CCDC192: variants seen among roughly 807,000 people sequenced by gnomAD.
CCDC192 encodes the protein coiled-coil domain-containing protein 192.
At chr5:127,718,652 G>A (rs1477596441) in intron 2 of CCDC192, among the ~76,000 whole-genome samples, 2 of 152,178 alleles carry the variant, frequency 1.3e-5, no homozygotes. Context: ...CAGATTTTAT[G>A]TGCAACTTGC....
intron 6 of CCDC192, chr5:127,935,220 A>G (rs1286003646): frequency 1.3e-5 from 2 of 152,200 alleles, no homozygotes; most frequent in African/African-American, 4.8e-5. Context: ...CCAACATTTT[A>G]TCTTATTTAT....
chr5:127,767,835 A>G (rs1415541550), intron 3 of CCDC192, among the ~76,000 whole-genome samples: 2 of 152,230 alleles, frequency 1.3e-5, no homozygotes, highest in Non-Finnish European at 2.9e-5. Context: ...TTTCCCCAAA[A>G]TAACGTGAGG....
chr5:127,810,491 C>T (rs1038053881), intron 5 of CCDC192, among the ~76,000 whole-genome samples: 4 of 152,132 alleles, frequency 2.6e-5, no homozygotes, highest in African/African-American at 9.7e-5. Context: ...GCTGTATACC[C>T]AGAAAGGAGA....
At chr5:127,915,548 A>AT (rs926850142) in intron 6 of CCDC192, among the ~76,000 whole-genome samples, 51 of 152,178 alleles carry the variant, frequency 3.4e-4, no homozygotes, top group African/African-American at 1.2e-3. Context: ...TGACCAGCTA[A>AT]TTTTTTGTAT....
At chr5:127,819,320 T>C (rs1292684165) in intron 5 of CCDC192, among the ~76,000 whole-genome samples, 2 of 152,152 alleles carry the variant, frequency 1.3e-5, no homozygotes, top group African/African-American at 4.8e-5. Flanking sequence ...CACCACATAA[T>C]TATGTCAACA....
intron 6 of CCDC192, among the ~76,000 whole-genome samples, chr5:127,880,481 C>T (rs1285851438): frequency 1.8e-4 from 27 of 147,332 alleles, no homozygotes; most frequent in Non-Finnish European, 3.3e-4. Context: ...AGGGATAGCA[C>T]TGGGAGATAT....
At chr5:127,933,468 G>A (rs1193118548) in intron 6 of CCDC192, among the ~76,000 whole-genome samples, 2 of 152,174 alleles carry the variant, frequency 1.3e-5, no homozygotes, top group African/African-American at 4.8e-5. Context: ...AAGTAAGATA[G>A]GAATCTGTAT....
chr5:127,734,330 TG>T (rs1029487575), intron 2 of CCDC192, among the ~76,000 whole-genome samples: 3 of 152,062 alleles, frequency 2.0e-5, no homozygotes, highest in Non-Finnish European at 4.4e-5. Flanking sequence ...CTATCATTGT[TG>T]GACATTTGGG....
chr5:127,786,383 T>C, intron 3 of CCDC192: 1 of 630,930 alleles, frequency 1.6e-6, no homozygotes, highest in South Asian at 1.8e-5. Context: ...ACACTGTTAA[T>C]GTAGGGCCCT....
intron 3 of CCDC192, among the ~76,000 whole-genome samples, chr5:127,773,396 CA>C (rs1561480319): frequency 2.0e-4 from 31 of 152,144 alleles, no homozygotes; most frequent in African/African-American, 7.2e-4. Flanking sequence ...TTCATCACCC[CA>C]GAAGAACACT....
intron 3 of CCDC192, among the ~76,000 whole-genome samples, chr5:127,760,060 C>T (rs1561472170): frequency 6.6e-6 from 1 of 151,964 alleles, no homozygotes; most frequent in Non-Finnish European, 1.5e-5. Context: ...TTCTGGGTAC[C>T]ATACCTAGCA....
intron 3 of CCDC192, chr5:127,784,722 T>G: frequency 3.5e-6 from 2 of 568,840 alleles, no homozygotes; most frequent in Non-Finnish European, 6.7e-6. Context: ...GATTTGAACC[T>G]GGAGGATAGC....
chr5:127,742,681 T>G (rs1753490432), intron 2 of CCDC192, among the ~76,000 whole-genome samples: 1 of 152,216 alleles, frequency 6.6e-6, no homozygotes, highest in South Asian at 2.1e-4. Flanking sequence ...TTTTCAATTT[T>G]TTTCAAGACA....
At chr5:127,918,298 A>T (rs1333308914) in intron 6 of CCDC192, among the ~76,000 whole-genome samples, 1 of 152,020 alleles carries the variant, frequency 6.6e-6, no homozygotes, top group African/African-American at 2.4e-5. Flanking sequence ...CTGTCTTTCA[A>T]GATGCTTGCT....
chr5:127,820,851 G>A (rs758611622), intron 5 of CCDC192, among the ~76,000 whole-genome samples: 4 of 151,738 alleles, frequency 2.6e-5, no homozygotes, highest in African/African-American at 4.8e-5. Context: ...TGATATAATC[G>A]TAAACTAGTG....
chr5:127,724,795 G>A (rs1752221512), intron 2 of CCDC192, among the ~76,000 whole-genome samples: 1 of 149,000 alleles, frequency 6.7e-6, no homozygotes, highest in Non-Finnish European at 1.5e-5. Flanking sequence ...GTTGCAGTGA[G>A]CCGAGATAGT....
At chr5:127,726,951 C>T (rs945799095) in intron 2 of CCDC192, among the ~76,000 whole-genome samples, 8 of 152,198 alleles carry the variant, frequency 5.3e-5, no homozygotes, top group African/African-American at 2.4e-5. Flanking sequence ...CTGGGTGAGA[C>T]CCTACAACAG....
intron 5 of CCDC192, among the ~76,000 whole-genome samples, chr5:127,874,182 C>T (rs971493584): frequency 7.2e-5 from 11 of 152,176 alleles, no homozygotes; most frequent in Non-Finnish European, 1.2e-4. Context: ...TTGTGGCTCA[C>T]GGTACCTCTC....
At chr5:127,935,363 G>C (rs933607252) in intron 6 of CCDC192, 6 of 152,206 alleles carry the variant, frequency 3.9e-5, no homozygotes, top group African/African-American at 1.4e-4. Flanking sequence ...TCAGAAATTA[G>C]ATCAGTGCTT....
Sources: allele counts gnomAD v4.1 joint callset (sites outside exome capture counted in the v4.1 genomes callset), GRCh38; gene constraint gnomAD v4.1.1; transcripts MANE v1.5; gene names NCBI Gene and HGNC (gene_info 2026-07-23, HGNC 2026-07-21).